Variants in TMEM9 observed in about 807,000 individuals in gnomAD.
The protein encoded by TMEM9 is proton-transporting V-type ATPase complex assembly regulator TMEM9.
Under a neutral mutation model 22.8 loss-of-function variants are expected in TMEM9, and 13 were observed. That is an observed-to-expected ratio of 0.57 (90% CI 0.37 to 0.91). TMEM9 has a LOEUF of 0.91. Among genes scored for constraint, TMEM9 ranks in the 40% least tolerant of loss-of-function variants. TMEM9 has a pLI of 0.01. For missense variants in TMEM9, 182 were observed against 238.1 expected, an observed-to-expected ratio of 0.76 and a Z score of 1.55; for synonymous variants, 88 against 93.0, an observed-to-expected ratio of 0.95 and a Z score of 0.31.
chr1:201,138,845 ACG>A (rs1316495406), intron 4 of TMEM9, among the ~76,000 whole-genome samples: 1 of 152,222 alleles, frequency 6.6e-6, no homozygotes, highest in East Asian at 1.9e-4. Context: ...GAACCCATGT[ACG>A]TATATCTCTT....
chr1:201,142,611 G>A (rs1458746569), intron 4 of TMEM9, among the ~76,000 whole-genome samples: 15 of 152,162 alleles, frequency 9.9e-5, no homozygotes, highest in Non-Finnish European at 1.9e-4. Flanking sequence ...AATTCTCTGA[G>A]GCCTAGCTGA....
rs74136326 is a variant in TMEM9 at position 201,144,449 on chromosome 1, T to C, written c.268-498A>G. On this transcript the variant is annotated intron_variant, in intron 3 of 4. Coordinates refer to ENST00000367330, the MANE Select transcript of TMEM9 (RefSeq NM_001288565.2). ...GGGGCGCGCTGGCCCACTCATGGCA[T>C]GCCCCTGAGCAGAGTGGCTAGGGCT... The C allele has an allele frequency of 8.1e-3, 1,384 of 171,220 alleles. 24 individuals are homozygous for C. The highest frequency in any genetic ancestry group is 0.031 in the African/African-American group (1,323 of 42,074). The allele number at this position is 171,220 out of a possible 1,614,324, so 10.6% of individuals were successfully genotyped here. A position where few individuals can be genotyped will look rare whatever the true frequency, so the allele number is the denominator to read the frequency against.
intron 4 of TMEM9, 122 bp downstream of exon 4, chr1:201,143,698 C>A (rs1023736014): frequency 5.1e-6 from 5 of 971,524 alleles, no homozygotes; most frequent in Non-Finnish European, 7.8e-6. Context: ...CGACACTGAC[C>A]AGAAGAGCAA....
At position 201,151,813 on chromosome 1, in the gene TMEM9, A is replaced by G. The variant is rs752999028; in HGVS notation, c.106T>C (p.Tyr36His). ...TAAATGTGCCCACTGATGTTTCTAT[A>G]AGGTGGACAGATGCATTTGCACCGG... ...DIRCKCICPP[Y>H]RNISGHIYNQ... The change falls in exon 2 of 5, where the codon TAT becomes CAT. Residue 36 changes from tyrosine (Y) to histidine (H), a missense_variant. Tyr to His is a moderately conservative substitution (Grantham distance 83). Transcript: ENST00000367330. 10 of 1,613,930 alleles carry G rather than the reference A, an allele frequency of 6.2e-6. 1 individual carries two copies. In the South Asian group the frequency reaches 9.9e-5, roughly 16 times the overall value.
chr1:201,165,183 T>C (rs1666043219), intron 1 of TMEM9, among the ~76,000 whole-genome samples: 1 of 143,528 alleles, frequency 7.0e-6, no homozygotes, highest in African/African-American at 2.5e-5. Flanking sequence ...TATATATTCA[T>C]TATCATGAGG....
intron 2 of TMEM9, among the ~76,000 whole-genome samples, chr1:201,148,838 T>A (rs986052945): frequency 6.6e-6 from 1 of 152,244 alleles, no homozygotes; most frequent in Non-Finnish European, 1.5e-5. Context: ...TGAGCAGGTC[T>A]CCCCTGTTGT....
intron 2 of TMEM9, among the ~76,000 whole-genome samples, chr1:201,150,442 T>C (rs984354048): frequency 2.0e-5 from 3 of 152,206 alleles, no homozygotes; most frequent in Non-Finnish European, 4.4e-5. Flanking sequence ...GTTACTGACC[T>C]GTGCACATAC....
chr1:201,146,843 C>A lies in TMEM9; in HGVS notation c.164G>T (p.Cys55Phe). 6.2e-7 allele frequency: 1 copy of A among 1,614,092 alleles called. No homozygotes were observed. The change falls in exon 3 of 5, where the codon TGC (cysteine) becomes TTC (phenylalanine). Residue 55 changes from cysteine to phenylalanine, a missense_variant. By Grantham distance (205) the Cys-to-Phe change is radical. Transcript: ENST00000367330. ...TGGCATGGGCTCCACCACGTGCAGG[C>A]AGTTGCTACAACAGAGAGAGACAGG... ...NQNVSQKDCNCLHVVEPMPVP... is the reference protein window; with the variant it reads ...NQNVSQKDCNFLHVVEPMPVP...
At chr1:201,144,261 C>T in intron 3 of TMEM9, 3 of 282,766 alleles carry the variant, frequency 1.1e-5, no homozygotes, top group Non-Finnish European at 1.4e-5. Flanking sequence ...GAGATGGGAA[C>T]ACAAGGGCCT....
chr1:201,136,207 T>C (rs1191897460), intron 4 of TMEM9, among the ~76,000 whole-genome samples: 1 of 152,176 alleles, frequency 6.6e-6, no homozygotes, highest in African/African-American at 2.4e-5. Context: ...TCAAGAAGGA[T>C]GCTAAGTATA....
intron 3 of TMEM9, 22 bp from the exon 4 acceptor site, chr1:201,143,973 C>T (rs760436655): frequency 1.2e-6 from 2 of 1,613,332 alleles, no homozygotes; most frequent in East Asian, 2.2e-5. Context: ...ACCGGCGTGC[C>T]TATGAACCAT....
At chr1:201,148,212 T>C (rs1665143673) in intron 2 of TMEM9, among the ~76,000 whole-genome samples, 1 of 152,166 alleles carries the variant, frequency 6.6e-6, no homozygotes, top group South Asian at 2.1e-4. Flanking sequence ...CAAAGTGGCA[T>C]CTCCATAGTG....
chr1:201,139,624 C>CT (rs1664335555), intron 4 of TMEM9, among the ~76,000 whole-genome samples: 1 of 152,228 alleles, frequency 6.6e-6, no homozygotes, highest in Non-Finnish European at 1.5e-5. Context: ...CATGCATCCT[C>CT]TGTCTACCTG....
chr1:201,151,964 A>C (rs777756839), intron 1 of TMEM9, 112 bp from the exon 2 acceptor site: 38 of 775,554 alleles, frequency 4.9e-5, no homozygotes, highest in Non-Finnish European at 7.8e-5. Context: ...GGTGAACCAT[A>C]TCTATGCTCT....
chr1:201,161,540 A>T (rs1665948046), intron 1 of TMEM9, among the ~76,000 whole-genome samples: 1 of 152,252 alleles, frequency 6.6e-6, no homozygotes, highest in African/African-American at 2.4e-5. Flanking sequence ...TGTGGGATGC[A>T]AACTGTATGT....
At chr1:201,151,001 T>C (rs1020880768) in intron 2 of TMEM9, among the ~76,000 whole-genome samples, 1 of 152,156 alleles carries the variant, frequency 6.6e-6, no homozygotes, top group Admixed American at 6.5e-5. Context: ...CTTAAGTCGG[T>C]TTCCCTGAAG....
At chr1:201,143,737 G>A in intron 4 of TMEM9, 83 bp downstream of exon 4, 1 of 1,457,254 alleles carries the variant, frequency 6.9e-7, no homozygotes. Flanking sequence ...GGTGGGACCT[G>A]GACCTAGGTG....
chr1:201,143,278 T>C (rs935603453), intron 4 of TMEM9, among the ~76,000 whole-genome samples: 2 of 152,170 alleles, frequency 1.3e-5, no homozygotes, highest in Non-Finnish European at 2.9e-5. Context: ...CTCTACCCTA[T>C]CCTTGCAACG....
intron 4 of TMEM9, among the ~76,000 whole-genome samples, chr1:201,139,407 C>T (rs1664308463): frequency 1.3e-5 from 2 of 152,334 alleles, no homozygotes; most frequent in Admixed American, 1.3e-4. Context: ...CCCACTGCAC[C>T]TCTGCTGCGA....
Sources: allele counts gnomAD v4.1 joint callset (sites outside exome capture counted in the v4.1 genomes callset), GRCh38; gene constraint gnomAD v4.1.1; transcripts MANE v1.5; gene names NCBI Gene and HGNC (gene_info 2026-07-23, HGNC 2026-07-21).